Variants in FAM83F observed in about 807,000 individuals in gnomAD.
FAM83F encodes scaffolding CK1 anchoring protein F, also known as protein FAM83F.
A neutral mutation model predicts 42.9 loss-of-function variants in FAM83F; 45 were observed. That is an observed-to-expected ratio of 1.05 (90% confidence interval 0.83 to 1.35). The LOEUF is 1.35. Among genes scored for constraint, FAM83F ranks in the 40% most tolerant of loss-of-function variants. The pLI, the probability that FAM83F is intolerant of heterozygous loss-of-function variation, is 0.00. For synonymous variants in FAM83F, 306 were observed against 298.3 expected, an observed-to-expected ratio of 1.03 and a Z score of -0.27; for missense variants, 617 against 695.9, an observed-to-expected ratio of 0.89 and a Z score of 1.28.
At chr22:40,026,337 G>A (rs935870176) in intron 4 of FAM83F, among the ~76,000 whole-genome samples, 50 of 152,062 alleles carry the variant, frequency 3.3e-4, no homozygotes, top group African/African-American at 1.1e-3. Flanking sequence ...TGGCTAACAC[G>A]GTGAAATCCT....
Position 40,019,325 on chromosome 22 carries a change from TC to T in FAM83F, c.649del (p.Arg217GlyfsTer10). On this transcript the variant is annotated frameshift_variant, in exon 2 of 5. Transcript: ENST00000333407. LOFTEE classifies it high-confidence loss of function. ...EMCQDLQLTD[F>X]RIRNIRVRSV... Reference sequence around the variant, plus strand: ...TGTCAGGACCTGCAGCTCACTGACTTCCGGATTCGGGTAAGTTGCACCACTG... The same window carrying T: ...TGTCAGGACCTGCAGCTCACTGACTTCGGATTCGGGTAAGTTGCACCACTG... 3.1e-6 allele frequency: 5 copies of T among 1,613,808 alleles called. No individual in the cohort carries two copies. The highest frequency in any genetic ancestry group is 4.2e-6 in the Non-Finnish European group (5 of 1,179,798).
rs2067510186 is a variant in FAM83F at position 40,019,907 on chromosome 22, G to A, written c.678G>A (p.Val226=). Residue 226 remains valine, a synonymous_variant, in exon 3 of 5, where the codon GTG becomes GTA. Coordinates refer to ENST00000333407, the MANE Select transcript of FAM83F (RefSeq NM_138435.4). ...AACAGAACATCCGTGTCCGCTCTGT[G>A]ACAGGCGTCGGCTTCTACATGCCCA... is the stretch of plus-strand genomic sequence containing the variant. ...FRIRNIRVRS[V]TGVGFYMPMG... is the part of the protein sequence containing the mutation. 6.2e-7 allele frequency: 1 copy of A among 1,613,044 alleles called. No homozygotes were observed. The highest frequency in any genetic ancestry group is 1.7e-4 in the Middle Eastern group (1 of 6,054).
At position 40,042,854 on chromosome 22, in the gene FAM83F, A is replaced by C. The variant is rs147583460; in HGVS notation, c.*13289A>C. On this transcript the variant is annotated 3_prime_UTR_variant, in exon 5 of 5. Transcript: ENST00000333407. ...TAAGTGCTAAAATAGGGGTCCAAGC[A>C]ACCAACTTTGAAGATTAGGAAGGTT... The C allele has an allele frequency of 1.3e-5, 2 of 152,200 alleles. No homozygotes were observed. Among genetic ancestry groups the C allele is most frequent in the African/African-American group, 4.8e-5 (2 of 41,444 alleles). 9.4% of individuals were successfully genotyped at this position (152,200 alleles called of 1,614,324 possible).
intron 1 of FAM83F, among the ~76,000 whole-genome samples, chr22:40,014,434 T>A (rs563542693): frequency 6.6e-6 from 1 of 152,264 alleles, no homozygotes; most frequent in East Asian, 1.9e-4. Flanking sequence ...CATAAATGTT[T>A]TAAATTAAAA....
At chr22:40,006,408 T>C (rs929992544) in intron 1 of FAM83F, among the ~76,000 whole-genome samples, 1 of 152,082 alleles carries the variant, frequency 6.6e-6, no homozygotes, top group Non-Finnish European at 1.5e-5. Flanking sequence ...CCTGGATAGA[T>C]GGGGAGACAC....
chr22:40,013,082 C>CAA (rs754625979), intron 1 of FAM83F, among the ~76,000 whole-genome samples: 848 of 46,362 alleles, frequency 0.018, 134 homozygotes, highest in African/African-American at 0.067. Context: ...GACTCCGTTT[C>CAA]AAAAAAAAAA....
At position 40,014,565 on chromosome 22, in the gene FAM83F, A is replaced by C. The variant is rs945780659; in HGVS notation, c.490-4603A>C. Among the ~76,000 whole-genome samples, 7 of 152,318 alleles carry C rather than the reference A, an allele frequency of 4.6e-5. No individual in the cohort carries two copies. The South Asian group carries it at 1.0e-3, about 23-fold the overall frequency. On this transcript the variant is annotated intron_variant, in intron 1 of 4. Transcript: ENST00000333407. ...TCATGTCATGTGCATTTTCAATTGCATTAGCAGATAATTGGCCTTAATATT... is the reference window on the plus strand; with the variant it reads ...TCATGTCATGTGCATTTTCAATTGCCTTAGCAGATAATTGGCCTTAATATT...
intron 1 of FAM83F, among the ~76,000 whole-genome samples, chr22:40,012,190 A>G (rs2067468722): frequency 6.6e-6 from 1 of 151,512 alleles, no homozygotes; most frequent in Non-Finnish European, 1.5e-5. Context: ...GCTGGAGTGC[A>G]GTGGTGCCAT....
At chr22:40,008,630 G>T (rs193252641) in intron 1 of FAM83F, among the ~76,000 whole-genome samples, 2 of 152,198 alleles carry the variant, frequency 1.3e-5, no homozygotes, top group African/African-American at 4.8e-5. Flanking sequence ...TGACCTGAGT[G>T]GGGGTGGAAG....
Position 39,995,510 on chromosome 22 carries a change from G to A in FAM83F, c.468G>A (p.Gln156=). 2 of 1,573,888 alleles carry A rather than the reference G, an allele frequency of 1.3e-6. No individual in the cohort carries two copies. Among genetic ancestry groups the A allele is most frequent in the Non-Finnish European group, 1.7e-6 (2 of 1,158,752 alleles). ...CGCACCTCAAGCAGGTGGTCAGGCA[G>A]ATGATCCAACAGGCCCAGAAGGTAG... ...KAPHLKQVVR[Q]MIQQAQKVIA... The change falls in exon 1 of 5, where the codon CAG becomes CAA. Residue 156 remains glutamine, a synonymous_variant. Transcript: ENST00000333407. The surrounding 1 kb of genome is among the most constrained non-coding windows in gnomAD (Gnocchi z 4.6).
chr22:40,018,443 T>TTTTA (rs763988498), intron 1 of FAM83F, among the ~76,000 whole-genome samples: 2 of 151,978 alleles, frequency 1.3e-5, no homozygotes, highest in African/African-American at 2.4e-5. Flanking sequence ...CTTTATTCCA[T>TTTTA]TTTATTTATT....
At chr22:40,017,734 G>A (rs2067499780) in intron 1 of FAM83F, among the ~76,000 whole-genome samples, 1 of 152,218 alleles carries the variant, frequency 6.6e-6, no homozygotes, top group Non-Finnish European at 1.5e-5. Context: ...AGCAGTTACT[G>A]TTTACTGAGG....
intron 2 of FAM83F, among the ~76,000 whole-genome samples, 171 bp downstream of exon 2, chr22:40,019,506 T>C (rs2067508467): frequency 6.6e-6 from 1 of 152,222 alleles, no homozygotes; most frequent in South Asian, 2.1e-4. Flanking sequence ...GGCTTTACTG[T>C]TAACTACTGA....
rs2067364856 is a variant in FAM83F at position 39,994,959 on chromosome 22, G to T, written c.-84G>T. 1.7e-6 allele frequency: 2 copies of T among 1,170,368 alleles called. No homozygotes were observed. Among genetic ancestry groups the T allele is most frequent in the Non-Finnish European group, 1.1e-6 (1 of 942,670 alleles). 72.5% of individuals were successfully genotyped at this position (1,170,368 alleles called of 1,614,324 possible). A position where few individuals can be genotyped will look rare whatever the true frequency, so the allele number is the denominator to read the frequency against. ...AGCTCGCGGCCAGGTGAGGCGCCCC[G>T]CCCCTCGGCGGCTCCAGGTGCGGCT... On this transcript the variant is annotated 5_prime_UTR_variant, in exon 1 of 5. Coordinates refer to ENST00000333407, the MANE Select transcript of FAM83F (RefSeq NM_138435.4).
chr22:40,024,983 C>T (rs1297194723), intron 4 of FAM83F, among the ~76,000 whole-genome samples: 2 of 152,120 alleles, frequency 1.3e-5, no homozygotes, highest in Non-Finnish European at 2.9e-5. Flanking sequence ...AGAAGCTAGG[C>T]GCCTCTTCTA....
chr22:40,017,030 CT>C (rs533441244), intron 1 of FAM83F, among the ~76,000 whole-genome samples: 1 of 151,938 alleles, frequency 6.6e-6, no homozygotes, highest in Non-Finnish European at 1.5e-5. Context: ...TCAGATAAAA[CT>C]TTTTTTTGTT....
intron 1 of FAM83F, among the ~76,000 whole-genome samples, chr22:40,018,474 T>C (rs1192188945): frequency 6.6e-6 from 1 of 152,152 alleles, no homozygotes; most frequent in African/African-American, 2.4e-5. Flanking sequence ...AGACAGTCTC[T>C]ATCACCCAGG....
chr22:40,025,326 G>A (rs2067545614), intron 4 of FAM83F, among the ~76,000 whole-genome samples: 1 of 152,196 alleles, frequency 6.6e-6, no homozygotes, highest in Non-Finnish European at 1.5e-5. Flanking sequence ...GGTGGAGGCA[G>A]GAGGATCACT....
In FAM83F at chr22:40,014,015, T is replaced by G. The variant is rs930107685; in HGVS notation, c.490-5153T>G. Among the ~76,000 whole-genome samples, 5 of 151,992 alleles carry G rather than the reference T, an allele frequency of 3.3e-5. No homozygotes were observed. In the South Asian group the frequency reaches 1.0e-3, roughly 32 times the overall value. ...TCTTGGATCTGGCAATTTTGCTGAA[T>G]TCTCTTATTAATTCTAATTGCTTTT... is the stretch of plus-strand genomic sequence containing the variant. On this transcript the variant is annotated intron_variant, in intron 1 of 4. Coordinates refer to ENST00000333407, the MANE Select transcript of FAM83F (RefSeq NM_138435.4).
Sources: allele counts gnomAD v4.1 joint callset (sites outside exome capture counted in the v4.1 genomes callset), GRCh38; gene constraint gnomAD v4.1.1; non-coding constraint Gnocchi (gnomAD v3.1); transcripts MANE v1.5; gene names NCBI Gene and HGNC (gene_info 2026-07-23, HGNC 2026-07-21).